The following SEC24A variants were observed in gnomAD, a reference collection of about 807,000 sequenced individuals.
SEC24A encodes SEC24 homolog A, COPII component.
In SEC24A, 93 loss-of-function variants were observed where a neutral mutation model predicts 129.4. The observed-to-expected ratio is 0.72, with a 90% CI of 0.61 to 0.85. The LOEUF (loss-of-function observed/expected upper bound fraction) is 0.85, where lower values mean the gene tolerates loss of function less well. Ranked by LOEUF, SEC24A falls within the 40% of genes least tolerant of loss-of-function variation. The pLI, the probability that SEC24A is intolerant of heterozygous loss-of-function variation, is 0.00. For synonymous variants in SEC24A, 460 were observed against 467.3 expected (o/e 0.98, Z 0.20); for missense variants, 1,264 against 1,307.4 (o/e 0.97, Z 0.51).
Position 134,682,442 on chromosome 5 carries a change from A to C in SEC24A, c.1451A>C (p.Gln484Pro). 6.2e-7 allele frequency: 1 copy of C among 1,608,130 alleles called. No individual in the cohort carries two copies. Among genetic ancestry groups the C allele is most frequent in the Non-Finnish European group, 8.5e-7 (1 of 1,174,584 alleles). ...YGEPHRRPEV[Q>P]NATIEFMAPS... The stretch of plus-strand genomic sequence containing the variant: ...GAACCTCACAGAAGACCAGAAGTTC[A>C]AAATGCTACTATTGAGTTTATGGCT... Residue 484 changes from glutamine (Q) to proline (P), a missense_variant, in exon 9 of 23, where the codon CAA (glutamine) becomes CCA (proline). By Grantham distance (76) the Gln-to-Pro change is moderately conservative. Coordinates refer to ENST00000398844, the MANE Select transcript of SEC24A (RefSeq NM_021982.3).
intron 1 of SEC24A, among the ~76,000 whole-genome samples, chr5:134,659,576 A>G (rs1225649946): frequency 1.3e-5 from 2 of 151,702 alleles, no homozygotes; most frequent in African/African-American, 4.8e-5. Flanking sequence ...TAGGTCTATG[A>G]TGGTGACTAC....
chr5:134,667,669 C>CAAAAAAAAAAAAAAAAAAAA (rs1191699758), intron 3 of SEC24A, among the ~76,000 whole-genome samples: 2 of 115,034 alleles, frequency 1.7e-5, no homozygotes, highest in Non-Finnish European at 3.7e-5. Context: ...AAAAAAAAAA[C>CAAAAAAAAAAAAAAAAAAAA]AAAAAAAAAA....
chr5:134,715,794 G>A (rs1325165088), intron 19 of SEC24A, among the ~76,000 whole-genome samples: 1 of 148,046 alleles, frequency 6.8e-6, no homozygotes, highest in African/African-American at 2.5e-5. Flanking sequence ...CATGGCACAT[G>A]TATGCCTATA....
At chr5:134,710,942 C>G (rs931043296) in intron 18 of SEC24A, among the ~76,000 whole-genome samples, 2 of 152,104 alleles carry the variant, frequency 1.3e-5, no homozygotes, top group African/African-American at 4.8e-5. Context: ...TTGAGACCAG[C>G]CTGGCCAAAG....
chr5:134,702,806 C>T (rs35191162), intron 15 of SEC24A, among the ~76,000 whole-genome samples: 1 of 152,076 alleles, frequency 6.6e-6, no homozygotes, highest in Non-Finnish European at 1.5e-5. Context: ...ACTCTGTCAC[C>T]TAGGCTGGAG....
At chr5:134,697,876 A>G in intron 14 of SEC24A, 23 bp from the exon 15 acceptor site, 1 of 1,601,744 alleles carries the variant, frequency 6.2e-7, no homozygotes, top group East Asian at 2.2e-5. Context: ...GCACAGTTTA[A>G]AACAGTGTGT....
At chr5:134,710,354 C>T (rs995815219) in intron 18 of SEC24A, among the ~76,000 whole-genome samples, 1 of 152,014 alleles carries the variant, frequency 6.6e-6, no homozygotes, top group African/African-American at 2.4e-5. Flanking sequence ...GCCTCAGCCT[C>T]CTGAGTAGCT....
intron 21 of SEC24A, 135 bp downstream of exon 21, chr5:134,721,225 G>A (rs1752618125): frequency 3.3e-6 from 2 of 597,706 alleles, no homozygotes; most frequent in African/African-American, 3.8e-5. Context: ...TCATGTTGAT[G>A]GATTCTATGA....
At chr5:134,696,285 A>G (rs72800322) in intron 13 of SEC24A, among the ~76,000 whole-genome samples, 22,264 of 151,944 alleles carry the variant, frequency 0.15, 1,850 homozygotes, top group South Asian at 0.37. Flanking sequence ...AAAAAAGAAA[A>G]AGAAAAAAAG....
At chr5:134,681,364 C>T (rs963079391) in intron 8 of SEC24A, among the ~76,000 whole-genome samples, 1 of 152,124 alleles carries the variant, frequency 6.6e-6, no homozygotes, top group South Asian at 2.1e-4. Flanking sequence ...TGCACCATTG[C>T]ACTCCAGCCT....
At chr5:134,675,992 C>T in intron 6 of SEC24A, 31 bp from the exon 7 acceptor site, 2 of 1,433,474 alleles carry the variant, frequency 1.4e-6, no homozygotes, top group Non-Finnish European at 1.9e-6. Flanking sequence ...ATCATAGCAG[C>T]AACTGATACA....
At chr5:134,714,987 A>G (rs748805626) in intron 18 of SEC24A, 37 bp from the exon 19 acceptor site, 3 of 1,590,618 alleles carry the variant, frequency 1.9e-6, no homozygotes, top group Non-Finnish European at 1.7e-6. Context: ...TTTTTAAAAT[A>G]TATTCTTTTG....
Position 134,708,762 on chromosome 5 carries a change from A to G in SEC24A, c.2601A>G (p.Leu867=). Reference sequence around the variant, plus strand: ...GTCTGAGTGACGCTCGGGATGCTCTAGTGAATGCAGTCATTGACTCCCTTT... The same window carrying G: ...GTCTGAGTGACGCTCGGGATGCTCTGGTGAATGCAGTCATTGACTCCCTTT... ...TASLSDARDA[L]VNAVIDSLSA... is the part of the protein sequence containing the mutation. Residue 867 remains leucine, a synonymous_variant, in exon 18 of 23, where the codon CTA becomes CTG. Coordinates refer to ENST00000398844, the MANE Select transcript of SEC24A (RefSeq NM_021982.3). 1.2e-6 allele frequency: 2 copies of G among 1,614,176 alleles called. No individual in the cohort carries two copies. The highest frequency in any genetic ancestry group is 8.5e-7 in the Non-Finnish European group (1 of 1,180,034).
chr5:134,721,004 A>G lies in SEC24A; in HGVS notation c.2977A>G (p.Met993Val). 2 of 1,604,718 alleles carry G rather than the reference A, an allele frequency of 1.2e-6. No individual in the cohort carries two copies. The highest frequency in any genetic ancestry group is 8.5e-7 in the Non-Finnish European group (1 of 1,171,636). Residue 993 changes from methionine (M) to valine (V), a missense_variant, in exon 21 of 23, where the codon ATG becomes GTG. By Grantham distance (21) the Met-to-Val change is conservative. Coordinates refer to ENST00000398844, the MANE Select transcript of SEC24A (RefSeq NM_021982.3). ...AFLMDAGSVL[M>V]LWVGKNCTQN... is the part of the protein sequence containing the mutation. ...ATTTTATTCCTGTCCCTAGGTACTG[A>G]TGCTTTGGGTTGGAAAAAATTGTAC...
chr5:134,673,715 C>T (rs1199401006), intron 4 of SEC24A, among the ~76,000 whole-genome samples: 4 of 152,160 alleles, frequency 2.6e-5, no homozygotes, highest in Admixed American at 1.3e-4. Context: ...CCACCTCAGC[C>T]TCCCAAAGTG....
chr5:134,686,075 AC>A (rs923592283), intron 9 of SEC24A, among the ~76,000 whole-genome samples: 1 of 152,134 alleles, frequency 6.6e-6, no homozygotes, highest in Non-Finnish European at 1.5e-5. Flanking sequence ...CTAACTTGTA[AC>A]TTTCAGAGCT....
Position 134,708,905 on chromosome 5 carries a change from T to C in SEC24A, c.2727+17T>C, listed in dbSNP as rs182110673. On this transcript the variant is annotated intron_variant, in intron 18 of 22. Transcript: ENST00000398844. ...CTTAAACAGGTAAGAAAAACAGATA[T>C]AGAAACTAACACAATGATGGCCAGG... 4.8e-5 allele frequency: 77 copies of C among 1,608,902 alleles called. 1 individual carries two copies. In the Admixed American group the frequency reaches 5.1e-4, roughly 11 times the overall value.
intron 15 of SEC24A, among the ~76,000 whole-genome samples, chr5:134,703,347 A>C (rs1390583991): frequency 6.6e-6 from 1 of 151,950 alleles, no homozygotes; most frequent in Admixed American, 6.6e-5. Context: ...AGCTCACTGC[A>C]ACCTCTGCCT....
Position 134,693,037 on chromosome 5 carries a change from A to T in SEC24A, c.1779+380A>T, listed in dbSNP as rs755810606. 5 of 1,535,824 alleles carry T rather than the reference A, an allele frequency of 3.3e-6. No individual in the cohort carries two copies. The Admixed American group carries it at 5.9e-5, about 18-fold the overall frequency. On this transcript the variant is annotated intron_variant, in intron 12 of 22. Transcript: ENST00000398844. ...TTGCTTTTCTGATTCACAGAGTGTC[A>T]TTGGGGTCAGTTCAGAAGAAACTCT...
Sources: gnomAD v4.1 joint callset for allele counts (sites outside exome capture counted in the v4.1 genomes callset) on GRCh38, gnomAD v4.1.1 for gene constraint, MANE v1.5 for transcripts, NCBI Gene and HGNC (gene_info 2026-07-23, HGNC 2026-07-21) for gene names.